The following ZNF536 variants were observed in gnomAD, a reference collection of about 807,000 sequenced individuals.
ZNF536 encodes the protein zinc finger protein 536.
A neutral mutation model predicts 84.5 loss-of-function variants in ZNF536; 13 were observed. That is an observed-to-expected ratio of 0.15 (90% CI 0.10 to 0.24). The LOEUF is 0.24. ZNF536 is among the 10% of genes least tolerant of loss of function. The pLI is 1.00. For missense variants in ZNF536, 1,536 were observed against 1,747.5 expected (o/e 0.88, Z 2.16); for synonymous variants, 811 against 742.5 (o/e 1.09, Z -1.50).
At chr19:30,295,204 A>AG (rs1380849878) in intron 2 of ZNF536, among the ~76,000 whole-genome samples, 5 of 152,150 alleles carry the variant, frequency 3.3e-5, no homozygotes, top group South Asian at 2.1e-4. Flanking sequence ...GCAAGAGACT[A>AG]GAGGGATAAT....
intron 2 of ZNF536, among the ~76,000 whole-genome samples, chr19:30,291,469 G>GTCTGTATA (rs1254965193): frequency 6.6e-6 from 1 of 152,116 alleles, no homozygotes; most frequent in African/African-American, 2.4e-5. Context: ...TATGTTTGTT[G>GTCTGTATA]TCTGTATAAA....
intron 2 of ZNF536, among the ~76,000 whole-genome samples, chr19:30,303,814 G>A (rs996955519): frequency 6.6e-6 from 1 of 152,186 alleles, no homozygotes; most frequent in Non-Finnish European, 1.5e-5. Context: ...ATTAGGCAGG[G>A]ATAGCAGATA....
intron 1 of ZNF536, among the ~76,000 whole-genome samples, chr19:30,643,545 C>T (rs2049342479): frequency 6.6e-6 from 1 of 152,172 alleles, no homozygotes; most frequent in South Asian, 2.1e-4. Context: ...AGATGATTCT[C>T]AATGACTGAT....
intron 1 of ZNF536, among the ~76,000 whole-genome samples, chr19:30,621,243 T>C (rs1263065512): frequency 6.6e-6 from 1 of 151,954 alleles, no homozygotes; most frequent in Admixed American, 6.6e-5. Context: ...CAGTTAGGTA[T>C]TATTAGACTT....
chr19:30,596,087 C>T (rs561494265), intron 1 of ZNF536, among the ~76,000 whole-genome samples: 51 of 152,290 alleles, frequency 3.3e-4, no homozygotes, highest in Non-Finnish European at 6.2e-4. Flanking sequence ...AAGCAAAGAT[C>T]GTCTGCGGGA....
chr19:30,581,527 G>A (rs887207606), intron 1 of ZNF536, among the ~76,000 whole-genome samples: 5 of 152,108 alleles, frequency 3.3e-5, no homozygotes, highest in Non-Finnish European at 7.3e-5. Context: ...TTGAAGATTT[G>A]GCTTTGAGGA....
intron 1 of ZNF536, among the ~76,000 whole-genome samples, chr19:30,657,333 T>C (rs982014252): frequency 6.6e-6 from 1 of 152,190 alleles, no homozygotes; most frequent in African/African-American, 2.4e-5. Context: ...AAATAGTTAA[T>C]CACTCTACAG....
At chr19:30,546,231 A>C (rs998964089) in intron 3 of ZNF536, among the ~76,000 whole-genome samples, 1 of 152,222 alleles carries the variant, frequency 6.6e-6, no homozygotes, top group African/African-American at 2.4e-5. Flanking sequence ...GACTGACTCC[A>C]AGAAGGGGGA....
chr19:30,302,418 ATGCCTGTGGCTT>A (rs1447169058), intron 2 of ZNF536, among the ~76,000 whole-genome samples: 2 of 152,156 alleles, frequency 1.3e-5, no homozygotes, highest in African/African-American at 4.8e-5. Context: ...ACTCCTAGCA[ATGCCTGTGGCTT>A]TGCACAGTGA....
chr19:30,662,250 G>A (rs2050146963), intron 1 of ZNF536, among the ~76,000 whole-genome samples: 3 of 152,294 alleles, frequency 2.0e-5, no homozygotes, highest in South Asian at 4.1e-4. Flanking sequence ...GAAAAATGCC[G>A]TAAACAGACT....
chr19:30,289,628 G>T (rs1165215095), intron 2 of ZNF536, among the ~76,000 whole-genome samples: 1 of 152,220 alleles, frequency 6.6e-6, no homozygotes, highest in Non-Finnish European at 1.5e-5. Context: ...ATGCCTGGAT[G>T]ATTATTGGCT....
chr19:30,454,889 C>G (rs557102904), intron 2 of ZNF536, among the ~76,000 whole-genome samples: 1 of 152,138 alleles, frequency 6.6e-6, no homozygotes, highest in Non-Finnish European at 1.5e-5. Context: ...AAAAATTAAC[C>G]GGGCTTGGTT....
At chr19:30,342,548 G>A (rs2047597932) in intron 2 of ZNF536, among the ~76,000 whole-genome samples, 1 of 152,114 alleles carries the variant, frequency 6.6e-6, no homozygotes. Context: ...TACAGGAAAA[G>A]ACAAACTGCT....
chr19:30,418,543 A>T (rs1281502088), intron 1 of ZNF536, among the ~76,000 whole-genome samples: 4 of 152,198 alleles, frequency 2.6e-5, no homozygotes, highest in Admixed American at 6.5e-5. Context: ...CTTCCTCATA[A>T]GATGTTAAAT....
chr19:30,602,512 G>T (rs2047725724), intron 1 of ZNF536, among the ~76,000 whole-genome samples: 1 of 152,166 alleles, frequency 6.6e-6, no homozygotes, highest in Admixed American at 6.5e-5. Context: ...AGTCATAACT[G>T]GATGGGTAAT....
intron 1 of ZNF536, among the ~76,000 whole-genome samples, chr19:30,640,182 G>C (rs983401578): frequency 7.2e-5 from 11 of 152,100 alleles, no homozygotes; most frequent in Non-Finnish European, 1.6e-4. Flanking sequence ...GGGAGGCAGA[G>C]GTTGCAGTGA....
At chr19:30,678,661 C>G (rs1365212269) in intron 1 of ZNF536, among the ~76,000 whole-genome samples, 1 of 152,146 alleles carries the variant, frequency 6.6e-6, no homozygotes, top group Non-Finnish European at 1.5e-5. Context: ...AAGCAGGGAG[C>G]CTTGGGAGAA....
chr19:30,326,885 A>C (rs892669000), intron 2 of ZNF536, among the ~76,000 whole-genome samples: 8 of 124,452 alleles, frequency 6.4e-5, no homozygotes, highest in Admixed American at 1.0e-4. Flanking sequence ...AGGCGGGAGG[A>C]TCACTTGAGC....
At chr19:30,350,959 C>T (rs899024545) in intron 2 of ZNF536, among the ~76,000 whole-genome samples, 1 of 152,152 alleles carries the variant, frequency 6.6e-6, no homozygotes, top group African/African-American at 2.4e-5. Context: ...GGCATTAATA[C>T]ATTATCATAT....
Sources: gnomAD v4.1 joint callset for allele counts (sites outside exome capture counted in the v4.1 genomes callset) on GRCh38, gnomAD v4.1.1 for gene constraint, MANE v1.5 for transcripts, NCBI Gene and HGNC (gene_info 2026-07-23, HGNC 2026-07-21) for gene names.